Variants in SHB observed in about 807,000 individuals in gnomAD.
The protein encoded by SHB is SH2 domain containing adaptor protein B, also known as SH2 domain-containing adapter protein B.
Under a neutral mutation model 52.3 loss-of-function variants are expected in SHB, and 20 were observed. The ratio of observed to expected loss-of-function variants is 0.38; its 90% CI spans 0.27 to 0.56. The LOEUF is 0.56. SHB is among the 20% of genes least tolerant of loss of function. The pLI, the probability that SHB is intolerant of heterozygous loss-of-function variation, is 0.71. For missense variants in SHB, 825 were observed against 723.3 expected (o/e 1.14, Z -1.61); for synonymous variants, 397 against 316.5 (o/e 1.25, Z -2.70).
rs752440753 is a variant in SHB at position 37,974,750 on chromosome 9, T to C, written c.926A>G (p.Asp309Gly). Reference sequence around the variant, plus strand: ...GCTGACTGTGCTCTCCGAGTCTGAGTCAACACTTTGGCCTTCAGGTTCGTA... The same window carrying C: ...GCTGACTGTGCTCTCCGAGTCTGAGCCAACACTTTGGCCTTCAGGTTCGTA... ...TPYEPEGQSV[D>G]SDSESTVSPR... The change falls in exon 3 of 6, where the codon GAC (aspartate) becomes GGC (glycine). Residue 309 changes from aspartate to glycine, a missense_variant. Coordinates refer to ENST00000377707, the MANE Select transcript of SHB (RefSeq NM_003028.3). The C allele has an allele frequency of 3.7e-6, 6 of 1,613,954 alleles. No individual in the cohort carries two copies. The highest frequency in any genetic ancestry group is 5.1e-6 in the Non-Finnish European group (6 of 1,179,998).
At chr9:37,929,408 A>G (rs1832287982) in intron 5 of SHB, among the ~76,000 whole-genome samples, 1 of 152,232 alleles carries the variant, frequency 6.6e-6, no homozygotes, top group African/African-American at 2.4e-5. Flanking sequence ...AGTGCCTTTC[A>G]GAAAATACTG....
intron 5 of SHB, among the ~76,000 whole-genome samples, chr9:37,931,632 A>G (rs938109120): frequency 2.0e-5 from 3 of 152,208 alleles, no homozygotes; most frequent in Admixed American, 2.0e-4. Context: ...ACTCTTATAC[A>G]CTGTTGGTGG....
chr9:38,068,642 C>CCA lies in SHB; in HGVS notation c.2_3dup (p.Ala2TrpfsTer5). The CCA allele has an allele frequency of 7.0e-7, 1 of 1,437,400 alleles. No homozygotes were observed. The highest frequency in any genetic ancestry group is 1.5e-5 in the South Asian group (1 of 67,900). The allele number at this position is 1,437,400 out of a possible 1,614,324, so 89.0% of individuals were successfully genotyped here. Reference sequence around the variant, plus strand: ...CTGAAGTACTTGTTTAGCCACTTGGCCATGGCGAGAGGCCGCCTAGGGCCG... The same window carrying CCA: ...CTGAAGTACTTGTTTAGCCACTTGGCCACATGGCGAGAGGCCGCCTAGGGCCG... On this transcript the variant is annotated frameshift_variant, in exon 1 of 6. Transcript: ENST00000377707. LOFTEE classifies it high-confidence loss of function.
chr9:37,936,031 C>T (rs904323959), intron 5 of SHB, among the ~76,000 whole-genome samples: 20 of 148,096 alleles, frequency 1.4e-4, no homozygotes, highest in Admixed American at 8.8e-4. Context: ...GGTGAAACCC[C>T]GTCTCTACTA....
chr9:38,011,457 A>C (rs1285495806), intron 2 of SHB, among the ~76,000 whole-genome samples: 1 of 152,236 alleles, frequency 6.6e-6, no homozygotes, highest in Non-Finnish European at 1.5e-5. Flanking sequence ...TGAGAAAGGA[A>C]GCTGCCAGCC....
intron 1 of SHB, among the ~76,000 whole-genome samples, chr9:38,047,429 A>C (rs1340702505): frequency 3.9e-5 from 6 of 152,204 alleles, no homozygotes; most frequent in Non-Finnish European, 8.8e-5. Context: ...TTCGGTGCAG[A>C]AAACTGGAGA....
chr9:38,051,590 A>G (rs922802632), intron 1 of SHB, among the ~76,000 whole-genome samples: 1 of 152,138 alleles, frequency 6.6e-6, no homozygotes, highest in African/African-American at 2.4e-5. Flanking sequence ...CAGCGTTCTC[A>G]GCTGTCCTGT....
At chr9:38,042,062 G>A (rs1298589879) in intron 1 of SHB, among the ~76,000 whole-genome samples, 3 of 150,306 alleles carry the variant, frequency 2.0e-5, no homozygotes, top group South Asian at 2.1e-4. Flanking sequence ...GAAACGTGCC[G>A]ACGTCTGGCT....
At chr9:37,926,642 C>T (rs969501009) in intron 5 of SHB, among the ~76,000 whole-genome samples, 2 of 152,244 alleles carry the variant, frequency 1.3e-5, no homozygotes, top group African/African-American at 4.8e-5. Flanking sequence ...CGACCCCGTT[C>T]TCCCTCAATG....
Position 37,959,847 on chromosome 9 carries a change from T to C in SHB, c.1055-3793A>G, listed in dbSNP as rs551130291. 3.3e-5 allele frequency among the ~76,000 whole-genome samples: 5 copies of C among 150,634 alleles called. No homozygotes were observed. The East Asian group carries it at 9.9e-4, about 30-fold the overall frequency. ...AGCACCCTAACTGCATGTCCTACCCTGGCTCCCGGTGAGCCCCCTGAGGGT... is the reference window on the plus strand; with the variant it reads ...AGCACCCTAACTGCATGTCCTACCCCGGCTCCCGGTGAGCCCCCTGAGGGT... On this transcript the variant is annotated intron_variant, in intron 3 of 5. Transcript: ENST00000377707.
chr9:38,063,795 G>GTTTTT (rs5897715), intron 1 of SHB, among the ~76,000 whole-genome samples: 1 of 129,882 alleles, frequency 7.7e-6, no homozygotes, highest in East Asian at 2.2e-4. Flanking sequence ...TTTGCTGGAT[G>GTTTTT]TTTTTTTTTT....
intron 1 of SHB, 120 bp downstream of exon 1, chr9:38,067,809 C>T: frequency 5.3e-6 from 6 of 1,141,706 alleles, no homozygotes; most frequent in Admixed American, 4.1e-5. Flanking sequence ...ACGCCAGCCC[C>T]GACCCAGGGT....
intron 1 of SHB, among the ~76,000 whole-genome samples, chr9:38,057,485 T>C (rs760795831): frequency 3.9e-5 from 6 of 152,210 alleles, no homozygotes; most frequent in Admixed American, 6.5e-5. Flanking sequence ...AAAAGATAAA[T>C]GTGGAACTAC....
At chr9:37,921,923 G>C (rs1383345702) in intron 5 of SHB, among the ~76,000 whole-genome samples, 1 of 152,238 alleles carries the variant, frequency 6.6e-6, no homozygotes, top group African/African-American at 2.4e-5. Flanking sequence ...AGCTCTCAGA[G>C]CCACATGCCC....
At chr9:37,948,060 A>G (rs16934648) in intron 5 of SHB, among the ~76,000 whole-genome samples, 20,474 of 152,192 alleles carry the variant, frequency 0.13, 1,444 homozygotes, top group African/African-American at 0.19. Flanking sequence ...AAAGACCTGA[A>G]AGTTTCCAAA....
chr9:37,919,076 A>G lies in SHB; in HGVS notation c.*745T>C, dbSNP rs1258585708. On this transcript the variant is annotated 3_prime_UTR_variant, in exon 6 of 6. Transcript: ENST00000377707. ...GAGACACGCCTTGCTCTGGGAGTGA[A>G]ACCAGAACTGCCCCCTCAGAGACCC... 6.6e-6 allele frequency: 1 copy of G among 152,642 alleles called. No homozygotes were observed. The highest frequency in any genetic ancestry group is 1.5e-5 in the Non-Finnish European group (1 of 68,040). The allele number at this position is 152,642 out of a possible 1,614,324, so 9.5% of individuals were successfully genotyped here.
intron 4 of SHB, among the ~76,000 whole-genome samples, chr9:37,950,512 T>C (rs138001975): frequency 1.3e-5 from 2 of 152,216 alleles, no homozygotes; most frequent in African/African-American, 4.8e-5. Flanking sequence ...GTGGACACAC[T>C]CAAAATACAT....
chr9:37,992,884 C>CACACACAA (rs1820900642), intron 2 of SHB, among the ~76,000 whole-genome samples: 2 of 50,564 alleles, frequency 4.0e-5, no homozygotes, highest in Non-Finnish European at 5.6e-5. Context: ...CACACAAACA[C>CACACACAA]ACACACACAC....
rs1832102969 is a variant in SHB, at chr9:37,916,643, G to C, written c.*3178C>G. Among the ~76,000 whole-genome samples the C allele has an allele frequency of 6.6e-6, 1 of 152,236 alleles. No individual in the cohort carries two copies. Among genetic ancestry groups the C allele is most frequent in the African/African-American group, 2.4e-5 (1 of 41,472 alleles). Reference sequence around the variant, plus strand: ...ACAGGGCCTGCCTCCTGAAGCCTCGGAGTCTTTGCACCCCTTTCCTGGGAA... The same window carrying C: ...ACAGGGCCTGCCTCCTGAAGCCTCGCAGTCTTTGCACCCCTTTCCTGGGAA... On this transcript the variant is annotated 3_prime_UTR_variant, in exon 6 of 6. Transcript: ENST00000377707.
Sources: gnomAD v4.1 joint callset for allele counts (sites outside exome capture counted in the v4.1 genomes callset) on GRCh38, gnomAD v4.1.1 for gene constraint, MANE v1.5 for transcripts, NCBI Gene and HGNC (gene_info 2026-07-23, HGNC 2026-07-21) for gene names.